The following ATAD5 variants were observed in gnomAD, a reference collection of about 807,000 sequenced individuals.
ATAD5 encodes the protein ATPase family AAA domain containing 5, also known as ATPase family AAA domain-containing protein 5.
A neutral mutation model predicts 176.9 loss-of-function variants in ATAD5; 58 were observed. The ratio of observed to expected loss-of-function variants is 0.33; its 90% CI spans 0.27 to 0.41. ATAD5 has a LOEUF of 0.41. Ranked by LOEUF, ATAD5 falls within the 10% of genes least tolerant of loss-of-function variation. The pLI is 1.00. For missense variants in ATAD5, 1,789 were observed against 2,094.1 expected, an observed-to-expected ratio of 0.85 and a Z score of 2.84; for synonymous variants, 640 against 712.6, an observed-to-expected ratio of 0.90 and a Z score of 1.62.
At chr17:30,868,169 TA>T (rs775583276) in intron 11 of ATAD5, among the ~76,000 whole-genome samples, 163 bp from the exon 12 acceptor site, 4 of 152,200 alleles carry the variant, frequency 2.6e-5, no homozygotes, top group Non-Finnish European at 4.4e-5. Context: ...ATATGCCATA[TA>T]AAGCTGTACT....
At chr17:30,894,415 G>C in intron 21 of ATAD5, 149 bp from the exon 22 acceptor site, 1 of 814,244 alleles carries the variant, frequency 1.2e-6, no homozygotes, top group Non-Finnish European at 1.9e-6. Flanking sequence ...GATTTTTTCA[G>C]TATGGGAGTG....
At chr17:30,893,254 G>A in intron 20 of ATAD5, 40 bp from the exon 21 acceptor site, 2 of 1,527,278 alleles carry the variant, frequency 1.3e-6, no homozygotes, top group African/African-American at 1.4e-5. Context: ...TTCAAACTAT[G>A]TACTGCTGTA....
chr17:30,878,576 GA>G (rs1249996328), intron 17 of ATAD5, among the ~76,000 whole-genome samples: 1 of 151,624 alleles, frequency 6.6e-6, no homozygotes, highest in Non-Finnish European at 1.5e-5. Context: ...CAAAAAATTG[GA>G]AATACTATAA....
chr17:30,874,719 C>T (rs1262669572), intron 14 of ATAD5, among the ~76,000 whole-genome samples: 1 of 150,860 alleles, frequency 6.6e-6, no homozygotes, highest in Non-Finnish European at 1.5e-5. Flanking sequence ...CAACCTCCAC[C>T]TCCCAGGTTC....
At chr17:30,833,274 G>A (rs1211073132) in intron 1 of ATAD5, among the ~76,000 whole-genome samples, 1 of 151,956 alleles carries the variant, frequency 6.6e-6, no homozygotes, top group Admixed American at 6.6e-5. Flanking sequence ...GGTACTTGAT[G>A]TACACAGTTC....
chr17:30,894,201 G>GTTTTCTAAA, intron 21 of ATAD5, 51 bp downstream of exon 21: 1 of 1,397,244 alleles, frequency 7.2e-7, no homozygotes, highest in South Asian at 1.5e-5. Flanking sequence ...ATCGTAAAGG[G>GTTTTCTAAA]GAAATCAATA....
At chr17:30,837,360 T>C in intron 3 of ATAD5, 46 bp downstream of exon 3, 1 of 1,304,580 alleles carries the variant, frequency 7.7e-7, no homozygotes, top group Non-Finnish European at 1.1e-6. Flanking sequence ...TCTGTTTCCT[T>C]AAAAAACAAA....
rs148086297 is a variant in ATAD5 at position 30,860,802 on chromosome 17, C to T, written c.3136+190C>T. ...TCACCCAGGCTGGAGTGCAATGGCA[C>T]GATCTTCGCTCACTGCAACGTCCCT... On this transcript the variant is annotated intron_variant, in intron 10 of 22. Transcript: ENST00000321990. Among the ~76,000 whole-genome samples the T allele has an allele frequency of 5.5e-3, 841 of 152,196 alleles. 3 individuals are homozygous for T. The highest frequency in any genetic ancestry group is 0.017 in the Middle Eastern group (5 of 294).
Position 30,893,286 on chromosome 17 carries a change from T to C in ATAD5, c.4441-8T>C, listed in dbSNP as rs752730920. The C allele has an allele frequency of 6.4e-7, 1 of 1,555,552 alleles. No homozygotes were observed. Among genetic ancestry groups the C allele is most frequent in the Admixed American group, 2.0e-5 (1 of 49,198 alleles). The stretch of plus-strand genomic sequence containing the variant: ...TGTAACATTTCTTTACTCAAAATTG[T>C]TTTTCAGCACAAAATCACAATGAAG... On this transcript the variant is annotated splice_region_variant and splice_polypyrimidine_tract_variant and intron_variant, in intron 20 of 22. Transcript: ENST00000321990.
At chr17:30,876,019 C>G (rs1478911445) in intron 14 of ATAD5, among the ~76,000 whole-genome samples, 1 of 151,576 alleles carries the variant, frequency 6.6e-6, no homozygotes, top group African/African-American at 2.4e-5. Flanking sequence ...TGCCTGTAGT[C>G]CCAGCTACTC....
chr17:30,853,978 C>A (rs62070645), intron 6 of ATAD5, among the ~76,000 whole-genome samples: 30,488 of 151,444 alleles, frequency 0.2, 3,598 homozygotes, highest in Non-Finnish European at 0.27. Context: ...CACCTACCAC[C>A]CAAAGATAGC....
At chr17:30,869,906 TAAC>T in intron 14 of ATAD5, 1 of 371,718 alleles carries the variant, frequency 2.7e-6, no homozygotes, top group Non-Finnish European at 4.8e-6. Flanking sequence ...CCAACAGAGT[TAAC>T]AACCAGCCTA....
intron 14 of ATAD5, among the ~76,000 whole-genome samples, chr17:30,874,552 A>C (rs1284271022): frequency 6.6e-6 from 1 of 150,384 alleles, no homozygotes; most frequent in African/African-American, 2.4e-5. Flanking sequence ...AAGAAACAAA[A>C]AAAAAAAAAA....
chr17:30,846,410 C>T (rs78961639), intron 6 of ATAD5, among the ~76,000 whole-genome samples: 32,684 of 124,586 alleles, frequency 0.26, 3,783 homozygotes, highest in Non-Finnish European at 0.3. Context: ...TTTTTTTTTT[C>T]TTTTTTTTTT....
chr17:30,860,668 G>A, intron 10 of ATAD5, 56 bp downstream of exon 10: 1 of 1,361,008 alleles, frequency 7.3e-7, no homozygotes, highest in East Asian at 2.7e-5. Flanking sequence ...CATGCAAAGT[G>A]GAAACCAAAG....
intron 14 of ATAD5, among the ~76,000 whole-genome samples, chr17:30,871,841 G>A (rs1908355754): frequency 6.6e-6 from 1 of 151,924 alleles, no homozygotes; most frequent in African/African-American, 2.4e-5. Context: ...TATCAATCCT[G>A]CACTTTTTGT....
rs768962229 is a variant in ATAD5 at position 30,840,644 on chromosome 17, A to G, written c.2104A>G (p.Lys702Glu). ...AAGCAATACTTCAAAAAACATATCA[A>G]AAGCAAAACAATTGATTGAAAAAGC... The part of the protein sequence containing the change: ...KASNTSKNIS[K>E]AKQLIEKAKA... The change falls in exon 4 of 23, where the codon AAA becomes GAA. Residue 702 changes from lysine to glutamate, a missense_variant. This residue lies in a region of ATAD5 where 487 missense variants were observed against 573.6 expected (regional missense o/e 0.85). Coordinates refer to ENST00000321990, the MANE Select transcript of ATAD5 (RefSeq NM_024857.5). 6.4e-7 allele frequency: 1 copy of G among 1,566,334 alleles called. No individual in the cohort carries two copies. Among genetic ancestry groups the G allele is most frequent in the Non-Finnish European group, 8.6e-7 (1 of 1,158,760 alleles).
intron 1 of ATAD5, 55 bp from the exon 2 acceptor site, chr17:30,834,093 A>C: frequency 7.4e-7 from 1 of 1,359,718 alleles, no homozygotes; most frequent in East Asian, 2.5e-5. Context: ...TTTAAAATTT[A>C]TATTTTGTAT....
intron 18 of ATAD5, among the ~76,000 whole-genome samples, chr17:30,881,112 A>C (rs1357799895): frequency 1.3e-4 from 20 of 151,868 alleles, no homozygotes; most frequent in Admixed American, 1.3e-3. Context: ...TCTTCTAAAA[A>C]AAAAAAGTTT....
Sources: allele counts gnomAD v4.1 joint callset (sites outside exome capture counted in the v4.1 genomes callset), GRCh38; gene constraint gnomAD v4.1.1; regional missense constraint gnomAD v4.1.1; transcripts MANE v1.5; gene names NCBI Gene and HGNC (gene_info 2026-07-23, HGNC 2026-07-21).